Variants in BAIAP2L2 observed in about 807,000 individuals in gnomAD.
The protein encoded by BAIAP2L2 is BAR/IMD domain-containing adapter protein 2-like 2.
A neutral mutation model predicts 60.4 loss-of-function variants in BAIAP2L2; 65 were observed. The observed-to-expected ratio is 1.08, with a 90% CI of 0.88 to 1.32. The LOEUF is 1.32. Among genes scored for constraint, BAIAP2L2 ranks in the 40% most tolerant of loss-of-function variants. The pLI is 0.00. For synonymous variants in BAIAP2L2, 344 were observed against 301.7 expected (o/e 1.14, Z -1.45); for missense variants, 836 against 741.2 (o/e 1.13, Z -1.48).
At chr22:38,098,241 T>G in intron 5 of BAIAP2L2, 62 bp from the exon 6 acceptor site, 2 of 1,561,500 alleles carry the variant, frequency 1.3e-6, no homozygotes, top group Non-Finnish European at 1.8e-6. Flanking sequence ...AAGACACCCC[T>G]CCCAGAGATC....
At chr22:38,108,001 G>A in intron 3 of BAIAP2L2, 88 bp from the exon 4 acceptor site, 2 of 1,413,566 alleles carry the variant, frequency 1.4e-6, no homozygotes, top group South Asian at 1.2e-5. Flanking sequence ...CCAACAGAGG[G>A]CCTGCCCGAG....
chr22:38,104,875 C>T (rs1487489023), intron 4 of BAIAP2L2, among the ~76,000 whole-genome samples: 1 of 151,734 alleles, frequency 6.6e-6, no homozygotes, highest in South Asian at 2.1e-4. Context: ...CACGAAGGCA[C>T]ACAAGGAAAT....
intron 4 of BAIAP2L2, among the ~76,000 whole-genome samples, chr22:38,100,544 A>G (rs952733932): frequency 5.3e-5 from 8 of 149,622 alleles, no homozygotes; most frequent in Non-Finnish European, 1.0e-4. Context: ...AAATAAATAA[A>G]TAAATAAATA....
chr22:38,097,481 C>T (rs947755574), intron 6 of BAIAP2L2, among the ~76,000 whole-genome samples: 1 of 152,120 alleles, frequency 6.6e-6, no homozygotes, highest in Non-Finnish European at 1.5e-5. Context: ...GGCAGGGGGA[C>T]GGGTTTAATG....
chr22:38,104,016 A>C (rs2146030138), intron 4 of BAIAP2L2, among the ~76,000 whole-genome samples: 1 of 152,362 alleles, frequency 6.6e-6, no homozygotes. Flanking sequence ...TGGTGTTAGT[A>C]AAAACATAAA....
In BAIAP2L2 at chr22:38,098,160, T is replaced by G; in HGVS notation, c.368A>C (p.Glu123Ala). Residue 123 changes from glutamate to alanine, a missense_variant, in exon 6 of 14, where the codon GAG (glutamate) becomes GCG (alanine). Coordinates refer to ENST00000381669, the MANE Select transcript of BAIAP2L2 (RefSeq NM_025045.6). ...GGCCGCTCGGTGGCGGTACTCGAGC[T>G]CATAGTGCTGGCGGCTGTCCTGGGG... ...QFIKDSRQHY[E>A]LEYRHRAANL... 1 of 1,614,096 alleles carries G rather than the reference T, an allele frequency of 6.2e-7. No individual in the cohort carries two copies. Among genetic ancestry groups the G allele is most frequent in the Non-Finnish European group, 8.5e-7 (1 of 1,180,036 alleles).
At chr22:38,093,781 G>A (rs1170371457) in intron 7 of BAIAP2L2, 4 of 403,064 alleles carry the variant, frequency 9.9e-6, no homozygotes, top group East Asian at 7.3e-5. Context: ...TCCGGAAAAC[G>A]GTCTGGAAGT....
intron 7 of BAIAP2L2, among the ~76,000 whole-genome samples, chr22:38,096,059 C>A (rs1233122560): frequency 6.6e-6 from 1 of 151,768 alleles, no homozygotes; most frequent in East Asian, 1.9e-4. Flanking sequence ...TAAGACTGGT[C>A]AAAAACTCAA....
Position 38,110,679 on chromosome 22 carries a change from A to G in BAIAP2L2, c.-154T>C. 3 of 601,502 alleles carry G rather than the reference A, an allele frequency of 5.0e-6. No homozygotes were observed. The South Asian group carries it at 6.1e-5, about 12-fold the overall frequency. 37.3% of individuals were successfully genotyped at this position (601,502 alleles called of 1,614,324 possible). ...TGGAGATGGAGGCCTGCCTCAGAGG[A>G]GTGGCAGCTTAATTATTCACCAACT... On this transcript the variant is annotated 5_prime_UTR_variant, in exon 1 of 14. Transcript: ENST00000381669.
In BAIAP2L2 at chr22:38,089,587, G is replaced by T. The variant is rs2086229185; in HGVS notation, c.700C>A (p.Leu234Met). The T allele has an allele frequency of 8.1e-7, 1 of 1,234,462 alleles. No individual in the cohort carries two copies. The highest frequency in any genetic ancestry group is 1.0e-6 in the Non-Finnish European group (1 of 990,770). The allele number at this position is 1,234,462 out of a possible 1,614,324, so 76.5% of individuals were successfully genotyped here. Reference sequence around the variant, plus strand: ...GGCGGCCCCAGCGCGGGGCCCAGCAGGCCGGGGGAGTGGGCGCGCGACGGG... The same window carrying T: ...GGCGGCCCCAGCGCGGGGCCCAGCATGCCGGGGGAGTGGGCGCGCGACGGG... The part of the protein sequence containing the change: ...RSPSRAHSPG[L>M]LGPALGPPYP... The change falls in exon 8 of 14, where the codon CTG becomes ATG. Residue 234 changes from leucine (L) to methionine (M), a missense_variant. By Grantham distance (15) the Leu-to-Met change is conservative. Coordinates refer to ENST00000381669, the MANE Select transcript of BAIAP2L2 (RefSeq NM_025045.6).
Position 38,086,304 on chromosome 22 carries a change from G to A in BAIAP2L2, c.1405C>T (p.Pro469Ser). The change falls in exon 12 of 14, where the codon CCA becomes TCA. Residue 469 changes from proline (P) to serine (S), a missense_variant. Physicochemically the swap from Pro to Ser is moderately conservative, Grantham distance 74. Transcript: ENST00000381669. Reference protein sequence around the residue: ...VPSRAPSPAPPPLPSSRRSSM... With the variant: ...VPSRAPSPAPSPLPSSRRSSM... ...CTGCGGCGGCTGCTGGGCAAGGGTGGAGGTGCAGGGCTGGGGGCACGGCTT... is the reference window on the plus strand; with the variant it reads ...CTGCGGCGGCTGCTGGGCAAGGGTGAAGGTGCAGGGCTGGGGGCACGGCTT... The A allele has an allele frequency of 6.3e-7, 1 of 1,589,450 alleles. No individual in the cohort carries two copies. Among genetic ancestry groups the A allele is most frequent in the South Asian group, 1.1e-5 (1 of 89,996 alleles).
chr22:38,102,265 G>A (rs1378760999), intron 4 of BAIAP2L2, among the ~76,000 whole-genome samples: 1 of 152,132 alleles, frequency 6.6e-6, no homozygotes, highest in Non-Finnish European at 1.5e-5. Flanking sequence ...CCCATGTGGA[G>A]GAGAGAATGC....
rs749874662 is a variant in BAIAP2L2, at chr22:38,089,147, C to T, written c.850G>A (p.Ala284Thr). 3.0e-6 allele frequency: 4 copies of T among 1,339,596 alleles called. No individual in the cohort carries two copies. Among genetic ancestry groups the T allele is most frequent in the Non-Finnish European group, 3.8e-6 (4 of 1,049,812 alleles). 83.0% of individuals were successfully genotyped at this position (1,339,596 alleles called of 1,614,324 possible). A position where few individuals can be genotyped will look rare whatever the true frequency, so the allele number is the denominator to read the frequency against. ...CGACGGTCTGGCTCTAGCTGGGACG[C>T]GGGCCTCGCGTCGGGCTCGGTGCCG... ...SYGTEPDARP[A>T]SQLEPDRRSL... Residue 284 changes from alanine (A) to threonine (T), a missense_variant, in exon 9 of 14, where the codon GCG (alanine) becomes ACG (threonine). Ala to Thr is a moderately conservative substitution (Grantham distance 58). Transcript: ENST00000381669.
chr22:38,086,324 C>G lies in BAIAP2L2; in HGVS notation c.1385G>C (p.Arg462Pro). 6.2e-7 allele frequency: 1 copy of G among 1,603,432 alleles called. No individual in the cohort carries two copies. Among genetic ancestry groups the G allele is most frequent in the Non-Finnish European group, 8.5e-7 (1 of 1,174,092 alleles). The change falls in exon 12 of 14, where the codon CGT becomes CCT. Residue 462 changes from arginine to proline, a missense_variant. Coordinates refer to ENST00000381669, the MANE Select transcript of BAIAP2L2 (RefSeq NM_025045.6). ...GGGTGGAGGTGCAGGGCTGGGGGCA[C>G]GGCTTGGCACCCGGCTTGGGGTGCG... ...RSRTPSRVPS[R>P]APSPAPPPLP...
intron 4 of BAIAP2L2, among the ~76,000 whole-genome samples, chr22:38,099,223 C>A (rs894212726): frequency 6.6e-5 from 10 of 152,216 alleles, no homozygotes; most frequent in African/African-American, 2.4e-4. Flanking sequence ...GCCTCAGTTG[C>A]CCCATCTGTA....
Position 38,110,516 on chromosome 22 carries a change from C to G in BAIAP2L2, c.10G>C (p.Glu4Gln), listed in dbSNP as rs551506196. The G allele has an allele frequency of 1.2e-6, 2 of 1,610,796 alleles. No homozygotes were observed. The highest frequency in any genetic ancestry group is 1.7e-5 in the Admixed American group (1 of 59,780). ...GTGGACCTGTAGAACTGGTCCATCTCGGGGGCCATGGAGGGGCTGTCCCGG... is the reference window on the plus strand; with the variant it reads ...GTGGACCTGTAGAACTGGTCCATCTGGGGGGCCATGGAGGGGCTGTCCCGG... MAP[E>Q]MDQFYRSTMA... The change falls in exon 1 of 14, where the codon GAG becomes CAG. Residue 4 changes from glutamate to glutamine, a missense_variant. Coordinates refer to ENST00000381669, the MANE Select transcript of BAIAP2L2 (RefSeq NM_025045.6).
chr22:38,097,139 C>T lies in BAIAP2L2; in HGVS notation c.505G>A (p.Val169Met). Residue 169 changes from valine to methionine, a missense_variant, in exon 7 of 14, where the codon GTG (valine) becomes ATG (methionine). Val to Met is a conservative substitution (Grantham distance 21). Coordinates refer to ENST00000381669, the MANE Select transcript of BAIAP2L2 (RefSeq NM_025045.6). ...NRLHAQMQAFVSESQRAAELE... is the reference protein window; with the variant it reads ...NRLHAQMQAFMSESQRAAELE... The stretch of plus-strand genomic sequence containing the variant: ...TCAGCCGCCCGCTGACTCTCAGACA[C>T]GAAGGCCTGCATCTGTGCGTGCAGC... 4 of 1,613,938 alleles carry T rather than the reference C, an allele frequency of 2.5e-6. No individual in the cohort carries two copies. Among genetic ancestry groups the T allele is most frequent in the Admixed American group, 1.7e-5 (1 of 60,028 alleles).
chr22:38,089,047 C>T (rs1181265222), intron 9 of BAIAP2L2, 49 bp downstream of exon 9: 8 of 1,397,978 alleles, frequency 5.7e-6, no homozygotes, highest in African/African-American at 1.5e-5. Context: ...GCAGCCCCAC[C>T]CCCGCGCCTC....
chr22:38,110,144 A>AGGGAGG, intron 1 of BAIAP2L2, among the ~76,000 whole-genome samples: 1 of 111,770 alleles, frequency 8.9e-6, no homozygotes, highest in East Asian at 2.4e-4. Context: ...AGAGAGAGAG[A>AGGGAGG]GAGAGGGAGA....
Sources: gnomAD v4.1 joint callset for allele counts (sites outside exome capture counted in the v4.1 genomes callset) on GRCh38, gnomAD v4.1.1 for gene constraint, MANE v1.5 for transcripts, NCBI Gene and HGNC (gene_info 2026-07-23, HGNC 2026-07-21) for gene names.